The following ASH1L variants were observed in gnomAD, a reference collection of about 807,000 sequenced individuals.
ASH1L encodes the protein histone-lysine N-methyltransferase ASH1L.
ASH1L carries 23 observed loss-of-function variants against 269.0 expected under a neutral mutation model. That is an observed-to-expected ratio of 0.09 (90% CI 0.06 to 0.12). The LOEUF is 0.12. ASH1L is among the 10% of genes least tolerant of loss of function. ASH1L has a pLI of 1.00. For missense variants in ASH1L, 2,912 were observed against 3,567.8 expected (o/e 0.82, Z 4.68); for synonymous variants, 1,187 against 1,253.5 (o/e 0.95, Z 1.12).
chr1:155,478,422 T>C lies in ASH1L; in HGVS notation c.4448A>G (p.His1483Arg), dbSNP rs1338695487. 19 of 1,614,040 alleles carry C rather than the reference T, an allele frequency of 1.2e-5. No homozygotes were observed. The highest frequency in any genetic ancestry group is 1.6e-5 in the Non-Finnish European group (19 of 1,179,990). The change falls in exon 3 of 28, where the codon CAC (histidine) becomes CGC (arginine). Residue 1483 changes from histidine to arginine, a missense_variant. This residue lies in a region of ASH1L where 789 missense variants were observed against 897.6 expected (regional missense o/e 0.88). Transcript: ENST00000392403. The surrounding 1 kb of genome is among the most constrained non-coding windows in gnomAD (Gnocchi z 4.6). Reference sequence around the variant, plus strand: ...TTCTCTGTGTTTGTGACGGTGCCTGTGTTTGTGCTCAACCATCCAACCATA... The same window carrying C: ...TTCTCTGTGTTTGTGACGGTGCCTGCGTTTGTGCTCAACCATCCAACCATA... The part of the protein sequence containing the change: ...MAYGWMVEHK[H>R]RHRHKHREHR...
chr1:155,453,873 C>T (rs1021263513), intron 4 of ASH1L, among the ~76,000 whole-genome samples: 4 of 152,038 alleles, frequency 2.6e-5, no homozygotes, highest in African/African-American at 4.8e-5. Flanking sequence ...GAGGCTGAGG[C>T]GGGCAGATCA....
rs1024371462 is a variant in ASH1L, at chr1:155,392,916, G to A, written c.6103+2543C>T. 4.0e-5 allele frequency among the ~76,000 whole-genome samples: 6 copies of A among 151,416 alleles called. No individual in the cohort carries two copies. In the South Asian group the frequency reaches 1.0e-3, roughly 26 times the overall value. On this transcript the variant is annotated intron_variant, in intron 7 of 27. Transcript: ENST00000392403. ...TGCAATGGGGTGATCTTGAACTCCT[G>A]GATTCAAGGGATCCGCCCACCTCAG...
At chr1:155,450,355 A>C (rs1047777043) in intron 4 of ASH1L, among the ~76,000 whole-genome samples, 3 of 152,202 alleles carry the variant, frequency 2.0e-5, no homozygotes, top group Non-Finnish European at 4.4e-5. Context: ...GAAAGTGTGA[A>C]AGAAATATTA....
rs111515002 is a variant in ASH1L at position 155,417,878 on chromosome 1, A to G, written c.5829-1955T>C. On this transcript the variant is annotated intron_variant, in intron 5 of 27. Coordinates refer to ENST00000392403, the MANE Select transcript of ASH1L (RefSeq NM_018489.3). ...GAGGCTGATGCAGGGGAATCGCTTG[A>G]ACCTGGGAGGCGGAGGTTGTGGTGA... Among the ~76,000 whole-genome samples, 184 of 152,066 alleles carry G rather than the reference A, an allele frequency of 1.2e-3. 2 individuals are homozygous for G. The highest frequency in any genetic ancestry group is 4.2e-3 in the African/African-American group (174 of 41,464).
At chr1:155,386,584 G>C (rs1657450633) in intron 7 of ASH1L, among the ~76,000 whole-genome samples, 1 of 150,920 alleles carries the variant, frequency 6.6e-6, no homozygotes, top group African/African-American at 2.4e-5. Flanking sequence ...AGTAGAGACG[G>C]GGTTTCACCA....
chr1:155,357,578 T>A lies in ASH1L; in HGVS notation c.6960+7A>T, dbSNP rs1570985605. ...CTTTTGGGGAAAGTCATTAGATAAT[T>A]ATTCACCCTTTTCTTCAGCTTGTGC... On this transcript the variant is annotated splice_region_variant and intron_variant, in intron 14 of 27. Coordinates refer to ENST00000392403, the MANE Select transcript of ASH1L (RefSeq NM_018489.3). The A allele has an allele frequency of 6.2e-7, 1 of 1,613,988 alleles. No homozygotes were observed. Among genetic ancestry groups the A allele is most frequent in the East Asian group, 2.2e-5 (1 of 44,880 alleles).
intron 3 of ASH1L, among the ~76,000 whole-genome samples, chr1:155,476,879 G>A (rs1463874494): frequency 6.6e-6 from 1 of 151,576 alleles, no homozygotes; most frequent in African/African-American, 2.4e-5. Context: ...AATCTTTTAG[G>A]GGAATAATAA....
intron 6 of ASH1L, among the ~76,000 whole-genome samples, chr1:155,399,626 G>C (rs1459482279): frequency 6.6e-6 from 1 of 151,922 alleles, no homozygotes; most frequent in Non-Finnish European, 1.5e-5. Context: ...GTGATAAAGT[G>C]AGGCTGTCCC....
At chr1:155,519,325 A>C (rs1049577384) in intron 2 of ASH1L, among the ~76,000 whole-genome samples, 1 of 152,084 alleles carries the variant, frequency 6.6e-6, no homozygotes, top group Non-Finnish European at 1.5e-5. Context: ...AATCCCAGCT[A>C]CTCAAGAGGC....
Position 155,478,339 on chromosome 1 carries a change from G to A in ASH1L, c.4531C>T (p.Leu1511=). Residue 1511 remains leucine, a synonymous_variant, in exon 3 of 28, where the codon CTG becomes TTG. Transcript: ENST00000392403. The surrounding 1 kb of genome is among the most constrained non-coding windows in gnomAD (Gnocchi z 4.6). The part of the protein sequence containing the change: ...SMDTGSSRSV[L]ESLKRYRFGK... ...AATCTATAGCGCTTCAAAGATTCCAGGACAGATCGGGAAGAGCCAGTGTCC... is the reference window on the plus strand; with the variant it reads ...AATCTATAGCGCTTCAAAGATTCCAAGACAGATCGGGAAGAGCCAGTGTCC... The A allele has an allele frequency of 1.9e-6, 3 of 1,614,102 alleles. No homozygotes were observed. Among genetic ancestry groups the A allele is most frequent in the Non-Finnish European group, 2.5e-6 (3 of 1,180,040 alleles).
At chr1:155,541,020 G>A (rs1670392850) in intron 1 of ASH1L, among the ~76,000 whole-genome samples, 1 of 152,158 alleles carries the variant, frequency 6.6e-6, no homozygotes, top group Admixed American at 6.6e-5. Flanking sequence ...TGAGGCGGGA[G>A]GATGGCTTGA....
At chr1:155,346,049 G>A (rs959928528) in intron 21 of ASH1L, 3 of 677,704 alleles carry the variant, frequency 4.4e-6, no homozygotes, top group Non-Finnish European at 6.7e-6. Context: ...GCCCAGGCTG[G>A]TCTCGAACTC....
chr1:155,489,566 C>T (rs948052744), intron 2 of ASH1L, among the ~76,000 whole-genome samples: 1 of 151,066 alleles, frequency 6.6e-6, no homozygotes, highest in Admixed American at 6.6e-5. Flanking sequence ...GTCAGGAGAT[C>T]AAGACCACAG....
intron 6 of ASH1L, among the ~76,000 whole-genome samples, chr1:155,400,666 T>A (rs1440844723): frequency 1.3e-5 from 2 of 152,232 alleles, no homozygotes; most frequent in Non-Finnish European, 2.9e-5. Context: ...TAAACTTTTC[T>A]GAAAATACTG....
intron 17 of ASH1L, among the ~76,000 whole-genome samples, chr1:155,350,778 G>A (rs1018691752): frequency 1.3e-5 from 2 of 151,778 alleles, no homozygotes; most frequent in South Asian, 2.1e-4. Context: ...AAAATTAGCC[G>A]GGCGTGGTGG....
At chr1:155,370,200 G>A (rs1655813857) in intron 12 of ASH1L, 1 of 368,822 alleles carries the variant, frequency 2.7e-6, no homozygotes, top group African/African-American at 2.0e-5. Flanking sequence ...CACCACCCTG[G>A]CTATCATCAT....
At chr1:155,433,869 G>A (rs1181997912) in intron 5 of ASH1L, 5 of 1,604,202 alleles carry the variant, frequency 3.1e-6, no homozygotes, top group Admixed American at 1.7e-5. Flanking sequence ...TTGCAGGCTC[G>A]AAAGAGAAAG....
chr1:155,406,709 A>G (rs991929811), intron 6 of ASH1L, among the ~76,000 whole-genome samples: 1 of 152,206 alleles, frequency 6.6e-6, no homozygotes, highest in African/African-American at 2.4e-5. Context: ...TCTAAAAAAT[A>G]AATAAATAAA....
intron 4 of ASH1L, among the ~76,000 whole-genome samples, chr1:155,452,000 C>T (rs552040937): frequency 3.3e-5 from 5 of 151,808 alleles, no homozygotes; most frequent in African/African-American, 9.7e-5. Flanking sequence ...GGATTACAGA[C>T]GTGAGCCATT....
Sources: gnomAD v4.1 joint callset for allele counts (sites outside exome capture counted in the v4.1 genomes callset) on GRCh38, gnomAD v4.1.1 for gene constraint, gnomAD v4.1.1 regional missense constraint, Gnocchi (gnomAD v3.1) non-coding constraint, MANE v1.5 for transcripts, NCBI Gene and HGNC (gene_info 2026-07-23, HGNC 2026-07-21) for gene names.